The following GNAO1 variants were observed in gnomAD, a reference collection of about 807,000 sequenced individuals.
The protein encoded by GNAO1 is guanine nucleotide-binding protein G(o) subunit alpha.
For synonymous variants in GNAO1, 164 were observed against 180.7 expected, an observed-to-expected ratio of 0.91 and a Z score of 0.74; for missense variants, 166 against 478.7, an observed-to-expected ratio of 0.35 and a Z score of 6.10.
intron 3 of GNAO1, among the ~76,000 whole-genome samples, chr16:56,322,143 C>T (rs2037578834): frequency 1.3e-5 from 2 of 152,112 alleles, no homozygotes; most frequent in Non-Finnish European, 2.9e-5. Flanking sequence ...ACCTTTAAGA[C>T]CTAATCACCT....
intron 3 of GNAO1, among the ~76,000 whole-genome samples, chr16:56,289,035 G>T (rs113556336): frequency 3.8e-4 from 58 of 151,906 alleles, no homozygotes; most frequent in South Asian, 8.3e-4. Flanking sequence ...TCCAAAAAAG[G>T]GGGGGGGAGC....
chr16:56,216,768 A>G (rs1412463447), intron 2 of GNAO1, among the ~76,000 whole-genome samples: 1 of 152,208 alleles, frequency 6.6e-6, no homozygotes, highest in African/African-American at 2.4e-5. Context: ...AGAGTAGTAA[A>G]GTCTAGTGGT....
At chr16:56,323,836 G>T (rs185802414) in intron 3 of GNAO1, among the ~76,000 whole-genome samples, 2 of 152,292 alleles carry the variant, frequency 1.3e-5, no homozygotes, top group African/African-American at 4.8e-5. Context: ...CCCATGGGAG[G>T]GAACCATGGA....
intron 2 of GNAO1, among the ~76,000 whole-genome samples, chr16:56,205,984 C>G (rs2036323946): frequency 6.6e-6 from 1 of 151,974 alleles, no homozygotes; most frequent in African/African-American, 2.4e-5. Flanking sequence ...GCCAGTGGAG[C>G]TCTAGACCAC....
intron 1 of GNAO1, 85 bp downstream of exon 1, chr16:56,192,438 C>T (rs2036185482): frequency 1.0e-6 from 1 of 983,558 alleles, no homozygotes; most frequent in Non-Finnish European, 1.6e-6. Flanking sequence ...CACTCGCGCC[C>T]GGGAGACCTG....
intron 2 of GNAO1, among the ~76,000 whole-genome samples, chr16:56,258,265 G>A (rs1364995096): frequency 2.0e-5 from 3 of 152,156 alleles, no homozygotes; most frequent in East Asian, 3.9e-4. Context: ...GCTGCTTACT[G>A]GCTCTGAGAT....
chr16:56,268,990 C>G (rs1245814070), intron 2 of GNAO1, among the ~76,000 whole-genome samples: 1 of 152,136 alleles, frequency 6.6e-6, no homozygotes, highest in Non-Finnish European at 1.5e-5. Context: ...GGGGCCACGT[C>G]CCATTACTGC....
At chr16:56,333,299 G>A (rs575510952) in intron 4 of GNAO1, among the ~76,000 whole-genome samples, 23 of 148,034 alleles carry the variant, frequency 1.6e-4, no homozygotes, top group Admixed American at 1.1e-3. Context: ...TGCAACCTCC[G>A]CCTCCTGGGT....
intron 6 of GNAO1, among the ~76,000 whole-genome samples, chr16:56,341,284 G>A (rs554879265): frequency 1.3e-5 from 2 of 152,208 alleles, no homozygotes; most frequent in Admixed American, 6.5e-5. Flanking sequence ...GTGACGAGAC[G>A]AGCAAACGCC....
intron 6 of GNAO1, chr16:56,343,994 G>T: frequency 6.2e-7 from 1 of 1,600,214 alleles, no homozygotes; most frequent in Non-Finnish European, 8.5e-7. Context: ...CTGGCCTGCC[G>T]CCCCCCCTCC....
chr16:56,254,024 A>T (rs1439138074), intron 2 of GNAO1, among the ~76,000 whole-genome samples: 3 of 147,242 alleles, frequency 2.0e-5, no homozygotes, highest in Non-Finnish European at 4.5e-5. Context: ...CTTCCATAAA[A>T]TTTTTTTTTA....
chr16:56,271,014 A>C (rs59805013), intron 2 of GNAO1: 1 of 152,146 alleles, frequency 6.6e-6, no homozygotes, highest in Non-Finnish European at 1.5e-5. Context: ...TCACCTCCAC[A>C]ACTCAGACCT....
intron 2 of GNAO1, among the ~76,000 whole-genome samples, chr16:56,215,052 C>A (rs1047845991): frequency 6.6e-6 from 1 of 152,196 alleles, no homozygotes; most frequent in African/African-American, 2.4e-5. Context: ...TACTACAGAA[C>A]GCCTTCTCCC....
intron 6 of GNAO1, chr16:56,347,985 C>G (rs935227396): frequency 1.0e-6 from 1 of 979,696 alleles, no homozygotes; most frequent in African/African-American, 1.8e-5. Flanking sequence ...GAGGTGGGCT[C>G]GGGCGTCCCA....
intron 3 of GNAO1, among the ~76,000 whole-genome samples, chr16:56,290,140 C>T (rs1453305458): frequency 2.6e-5 from 4 of 152,174 alleles, no homozygotes; most frequent in Non-Finnish European, 5.9e-5. Flanking sequence ...GGGACTTCTC[C>T]ACCACTGCTT....
intron 2 of GNAO1, among the ~76,000 whole-genome samples, chr16:56,253,205 G>A: frequency 6.6e-6 from 1 of 152,160 alleles, no homozygotes; most frequent in South Asian, 2.1e-4. Flanking sequence ...GCCTGGCTCT[G>A]GTGCCAGGAC....
At chr16:56,285,135 A>G (rs556536780) in intron 3 of GNAO1, among the ~76,000 whole-genome samples, 28 of 152,340 alleles carry the variant, frequency 1.8e-4, no homozygotes, top group Middle Eastern at 6.8e-3. Flanking sequence ...AGAAAAGGGC[A>G]TGGAATTTTA....
chr16:56,337,125 A>G (rs1431753396), intron 6 of GNAO1, among the ~76,000 whole-genome samples: 1 of 152,142 alleles, frequency 6.6e-6, no homozygotes, highest in East Asian at 1.9e-4. Context: ...TGCCTCTTCC[A>G]TAAACTTGGT....
intron 2 of GNAO1, among the ~76,000 whole-genome samples, chr16:56,201,515 T>C (rs1452972628): frequency 2.6e-5 from 4 of 152,196 alleles, no homozygotes; most frequent in African/African-American, 7.2e-5. Context: ...CACCTGAGGG[T>C]TGGCATTAGA....
Sources: gnomAD v4.1 joint callset for allele counts (sites outside exome capture counted in the v4.1 genomes callset) on GRCh38, gnomAD v4.1.1 for gene constraint, MANE v1.5 for transcripts, NCBI Gene and HGNC (gene_info 2026-07-23, HGNC 2026-07-21) for gene names.